The following GALNT14 variants were observed in gnomAD, a reference collection of about 807,000 sequenced individuals.
GALNT14 encodes polypeptide N-acetylgalactosaminyltransferase 14, also known as UDP-GalNAc:polypeptide N-acetylgalactosaminyltransferase 14.
GALNT14 carries 60 observed loss-of-function variants against 77.5 expected under a neutral mutation model. The observed-to-expected ratio is 0.77, with a 90% CI of 0.63 to 0.96. The LOEUF (loss-of-function observed/expected upper bound fraction) is 0.96, where lower values mean the gene tolerates loss of function less well. GALNT14 is among the 40% of genes least tolerant of loss of function. GALNT14 has a pLI of 0.00. For synonymous variants in GALNT14, 280 were observed against 281.7 expected (o/e 0.99, Z 0.06); for missense variants, 710 against 731.0 (o/e 0.97, Z 0.33).
At chr2:30,972,011 G>T (rs1668385391) in intron 2 of GALNT14, among the ~76,000 whole-genome samples, 1 of 152,216 alleles carries the variant, frequency 6.6e-6, no homozygotes. Context: ...CAGGCCCTCG[G>T]ACACCCAGAT....
At chr2:30,918,193 T>C (rs116791019) in intron 13 of GALNT14, among the ~76,000 whole-genome samples, 2,305 of 152,316 alleles carry the variant, frequency 0.015, 63 homozygotes, top group African/African-American at 0.053. Context: ...TTTCCTCCCA[T>C]GTGGCAAGAT....
Position 30,945,769 on chromosome 2 carries a change from T to C in GALNT14, c.742+14A>G, listed in dbSNP as rs544654923. 1.1e-5 allele frequency: 17 copies of C among 1,605,762 alleles called. No homozygotes were observed. In the Admixed American group the frequency reaches 1.2e-4, roughly 11 times the overall value. On this transcript the variant is annotated intron_variant, in intron 7 of 14. Transcript: ENST00000349752. ...GAAAATCCTTACTGGGGAGGAGGTG[T>C]TAGCCCAACTCACCCCCTCTGAGCT...
intron 1 of GALNT14, among the ~76,000 whole-genome samples, chr2:30,997,470 C>A (rs191913989): frequency 6.6e-6 from 1 of 152,310 alleles, no homozygotes; most frequent in Non-Finnish European, 1.5e-5. Context: ...TTCCCTGGTA[C>A]AGGAAGTGAT....
intron 1 of GALNT14, among the ~76,000 whole-genome samples, chr2:31,035,563 GTGTGTA>G (rs1305088325): frequency 1.7e-4 from 24 of 137,978 alleles, no homozygotes; most frequent in African/African-American, 5.6e-4. Flanking sequence ...ATGTGTGTGT[GTGTGTA>G]TGTGTGTGTG....
rs538890123 is a variant in GALNT14 at position 30,955,175 on chromosome 2, C to A, written c.654+443G>T. Among the ~76,000 whole-genome samples the A allele has an allele frequency of 5.9e-5, 9 of 152,098 alleles. No individual in the cohort carries two copies. The South Asian group carries it at 1.7e-3, about 28-fold the overall frequency. ...CATCTAGCCTGCCTGCTTGGTGTAG[C>A]CTTTGGGTGAGGGTAGAAGTAAGAC... On this transcript the variant is annotated intron_variant, in intron 6 of 14. Coordinates refer to ENST00000349752, the MANE Select transcript of GALNT14 (RefSeq NM_024572.4).
chr2:31,022,576 C>T (rs1671788323), intron 1 of GALNT14, among the ~76,000 whole-genome samples: 1 of 152,192 alleles, frequency 6.6e-6, no homozygotes, highest in Non-Finnish European at 1.5e-5. Context: ...CCACTTAGCA[C>T]ATGTGTATGT....
chr2:31,134,909 C>T (rs537377652), intron 1 of GALNT14, among the ~76,000 whole-genome samples: 1 of 152,336 alleles, frequency 6.6e-6, no homozygotes, highest in African/African-American at 2.4e-5. Flanking sequence ...TTTTCACCTC[C>T]TTAATGTCAT....
intron 1 of GALNT14, among the ~76,000 whole-genome samples, chr2:30,995,627 G>T (rs1255366360): frequency 6.6e-6 from 1 of 152,062 alleles, no homozygotes; most frequent in African/African-American, 2.4e-5. Context: ...CAAGTAGCTG[G>T]GATCACAAGT....
At chr2:30,936,016 A>T (rs1666035381) in intron 9 of GALNT14, among the ~76,000 whole-genome samples, 1 of 152,146 alleles carries the variant, frequency 6.6e-6, no homozygotes, top group Non-Finnish European at 1.5e-5. Flanking sequence ...GCGCCCACAT[A>T]ATCTCCCTGG....
At chr2:30,965,502 G>C (rs1447804884) in intron 3 of GALNT14, among the ~76,000 whole-genome samples, 1 of 152,086 alleles carries the variant, frequency 6.6e-6, no homozygotes. Flanking sequence ...TGGAGAATCT[G>C]GGGGAGGAAA....
intron 6 of GALNT14, among the ~76,000 whole-genome samples, chr2:30,951,576 C>A (rs540465708): frequency 7.9e-5 from 12 of 152,334 alleles, no homozygotes; most frequent in African/African-American, 2.9e-4. Context: ...TAAAATCATT[C>A]AATTGCCCAC....
intron 9 of GALNT14, among the ~76,000 whole-genome samples, chr2:30,938,474 T>G (rs891788394): frequency 1.3e-5 from 2 of 152,018 alleles, no homozygotes; most frequent in African/African-American, 4.8e-5. Flanking sequence ...GTAGACACAT[T>G]ACATGTACAC....
intron 1 of GALNT14, among the ~76,000 whole-genome samples, chr2:31,089,017 T>A (rs1676597314): frequency 6.6e-6 from 1 of 152,198 alleles, no homozygotes; most frequent in South Asian, 2.1e-4. Flanking sequence ...TCTCAATGAA[T>A]GATGAAGCAC....
chr2:31,013,899 G>A (rs1230581173), intron 1 of GALNT14, among the ~76,000 whole-genome samples: 2 of 152,202 alleles, frequency 1.3e-5, no homozygotes, highest in Non-Finnish European at 2.9e-5. Flanking sequence ...CTACAAAAGT[G>A]TTATAGACTC....
Position 30,992,886 on chromosome 2 carries a change from C to G in GALNT14, c.251G>C (p.Ser84Thr). 6.2e-7 allele frequency: 1 copy of G among 1,614,182 alleles called. No homozygotes were observed. Among genetic ancestry groups the G allele is most frequent in the Non-Finnish European group, 8.5e-7 (1 of 1,180,018 alleles). ...YKLYAFNQRESERISSNRAIP... is the reference protein window; with the variant it reads ...YKLYAFNQRETERISSNRAIP... ...GGCCCGATTGCTGGAGATCCGCTCA[C>G]TCTCCCGCTGGTTGAAAGCATACAG... The change falls in exon 2 of 15, where the codon AGT becomes ACT. Residue 84 changes from serine (S) to threonine (T), a missense_variant. By Grantham distance (58) the Ser-to-Thr change is moderately conservative (BLOSUM62 1). Coordinates refer to ENST00000349752, the MANE Select transcript of GALNT14 (RefSeq NM_024572.4).
chr2:31,100,891 G>A (rs189838056), intron 1 of GALNT14, among the ~76,000 whole-genome samples: 268 of 152,016 alleles, frequency 1.8e-3, no homozygotes, highest in African/African-American at 6.2e-3. Context: ...GTATGATTAG[G>A]CAAAATCATC....
chr2:30,992,391 G>A (rs913436680), intron 2 of GALNT14, among the ~76,000 whole-genome samples: 8 of 152,236 alleles, frequency 5.3e-5, no homozygotes, highest in African/African-American at 1.9e-4. Context: ...CCAACGGCTG[G>A]CACTGGAAGG....
At chr2:30,961,857 T>G (rs1353465648) in intron 3 of GALNT14, among the ~76,000 whole-genome samples, 3 of 143,328 alleles carry the variant, frequency 2.1e-5, no homozygotes, top group African/African-American at 5.1e-5. Flanking sequence ...AATTTTTTGG[T>G]TTTTTTGTTT....
At chr2:30,983,990 C>T (rs1295806818) in intron 2 of GALNT14, among the ~76,000 whole-genome samples, 1 of 152,178 alleles carries the variant, frequency 6.6e-6, no homozygotes, top group African/African-American at 2.4e-5. Context: ...TCTCTGAGCC[C>T]GGGTCCCCTG....
Sources: gnomAD v4.1 joint callset for allele counts (sites outside exome capture counted in the v4.1 genomes callset) on GRCh38, gnomAD v4.1.1 for gene constraint, MANE v1.5 for transcripts, NCBI Gene and HGNC (gene_info 2026-07-23, HGNC 2026-07-21) for gene names.